AEBP2: variants seen among roughly 807,000 people sequenced by gnomAD.
The protein encoded by AEBP2 is zinc finger protein AEBP2.
In AEBP2, 10 loss-of-function variants were observed where a neutral mutation model predicts 50.8. The observed-to-expected ratio is 0.20, with a 90% CI of 0.12 to 0.33. AEBP2 has a LOEUF of 0.33. Ranked by LOEUF, AEBP2 falls within the 10% of genes least tolerant of loss-of-function variation. The pLI, the probability that AEBP2 is intolerant of heterozygous loss-of-function variation, is 1.00. For synonymous variants in AEBP2, 296 were observed against 261.3 expected, an observed-to-expected ratio of 1.13 and a Z score of -1.28; for missense variants, 570 against 688.0, an observed-to-expected ratio of 0.83 and a Z score of 1.92.
Position 19,493,998 on chromosome 12 carries a change from A to C in AEBP2, c.1174+12A>C, listed in dbSNP as rs905719886. The C allele has an allele frequency of 1.5e-5, 23 of 1,574,774 alleles. No homozygotes were observed. Among genetic ancestry groups the C allele is most frequent in the Non-Finnish European group, 1.9e-5 (22 of 1,160,790 alleles). ...ACGACGCTCATTACGTAAGTGTTAC[A>C]CTGAGAAAATCTGGTGTATTTCATG... On this transcript the variant is annotated intron_variant, in intron 4 of 7. Transcript: ENST00000266508.
rs1410172379 is a variant in AEBP2 at position 19,521,202 on chromosome 12, CTT to C, written c.*3086_*3087del. On this transcript the variant is annotated 3_prime_UTR_variant, in exon 8 of 8. Transcript: ENST00000266508. ...TTGACAAAAAGTTTGGAAACATAAA[CTT>C]AGACCACACAACTTGCATTTTAATA... 6.6e-6 allele frequency: 1 copy of C among 152,158 alleles called. No individual in the cohort carries two copies. The highest frequency in any genetic ancestry group is 2.4e-5 in the African/African-American group (1 of 41,434). 9.4% of individuals were successfully genotyped at this position (152,158 alleles called of 1,614,324 possible). A position where few individuals can be genotyped will look rare whatever the true frequency, so the allele number is the denominator to read the frequency against.
chr12:19,442,403 G>A (rs1364624476), intron 1 of AEBP2, among the ~76,000 whole-genome samples: 1 of 151,914 alleles, frequency 6.6e-6, no homozygotes, highest in Admixed American at 6.6e-5. Context: ...GCGAGACTCC[G>A]TCTCAAAAAA....
intron 1 of AEBP2, among the ~76,000 whole-genome samples, chr12:19,425,422 G>T (rs1178530368): frequency 5.3e-5 from 8 of 152,122 alleles, no homozygotes; most frequent in Admixed American, 3.9e-4. Context: ...CAGGCACGGT[G>T]GCTCATGCCT....
At chr12:19,435,132 CTTT>C (rs140447214), upstream of AEBP2, among the ~76,000 whole-genome samples, 1 of 142,932 alleles carries the variant, frequency 7.0e-6, no homozygotes. Flanking sequence ...CCTGTCAGAA[CTTT>C]TTTTTTTTTT....
chr12:19,417,192 A>G (rs2095743101), intron 1 of AEBP2, among the ~76,000 whole-genome samples: 1 of 151,902 alleles, frequency 6.6e-6, no homozygotes, highest in Non-Finnish European at 1.5e-5. Flanking sequence ...CAAGATAAAA[A>G]TGCCTCATAA....
chr12:19,420,883 C>A (rs2095745331), intron 1 of AEBP2, among the ~76,000 whole-genome samples: 1 of 152,140 alleles, frequency 6.6e-6, no homozygotes, highest in African/African-American at 2.4e-5. Context: ...CCTCCCATGT[C>A]AAGGTCCTGT....
rs932151667 is a variant in AEBP2 at position 19,502,918 on chromosome 12, G to A, written c.1299+2697G>A. Among the ~76,000 whole-genome samples, 7 of 152,176 alleles carry A rather than the reference G, an allele frequency of 4.6e-5. No homozygotes were observed. In the East Asian group the frequency reaches 1.3e-3, roughly 29 times the overall value. ...CCGCTTCAGCTTCCCAGAGTGCTGG[G>A]ATTAATAGGCGCGAGCCACCACGCT... On this transcript the variant is annotated intron_variant, in intron 5 of 7. Coordinates refer to ENST00000266508, the MANE Select transcript of AEBP2 (RefSeq NM_153207.5).
intron 3 of AEBP2, among the ~76,000 whole-genome samples, chr12:19,476,872 G>A (rs1465400841): frequency 3.3e-5 from 5 of 152,088 alleles, no homozygotes; most frequent in South Asian, 2.1e-4. Context: ...ACTTTGATGG[G>A]AATTGCGTTG....
At chr12:19,502,777 T>G in intron 5 of AEBP2, among the ~76,000 whole-genome samples, 1 of 151,964 alleles carries the variant, frequency 6.6e-6, no homozygotes, top group East Asian at 1.9e-4. Flanking sequence ...GCCTCCCAAG[T>G]AGCTGGGATT....
At chr12:19,483,588 A>G (rs1430374259) in intron 3 of AEBP2, among the ~76,000 whole-genome samples, 2 of 152,116 alleles carry the variant, frequency 1.3e-5, no homozygotes, top group South Asian at 2.1e-4. Context: ...TGGGAGCTGC[A>G]TGTTAGCCCT....
intron 4 of AEBP2, among the ~76,000 whole-genome samples, chr12:19,499,256 G>A (rs1035716263): frequency 6.6e-6 from 1 of 152,094 alleles, no homozygotes; most frequent in Non-Finnish European, 1.5e-5. Context: ...CCAAAAATTT[G>A]TTTGTAATTT....
In AEBP2 at chr12:19,521,747, T is replaced by C. The variant is rs1041820619; in HGVS notation, c.*3630T>C. On this transcript the variant is annotated 3_prime_UTR_variant, in exon 8 of 8. Transcript: ENST00000266508. ...AAATGTTTTAAATATGGTAATACTC[T>C]TAAAACGGTAGAATTTGCCACAGTT... The C allele has an allele frequency of 6.6e-6, 1 of 152,138 alleles. No homozygotes were observed. The highest frequency in any genetic ancestry group is 1.5e-5 in the Non-Finnish European group (1 of 67,984). 9.4% of individuals were successfully genotyped at this position (152,138 alleles called of 1,614,324 possible).
chr12:19,416,702 C>T (rs983636935), intron 1 of AEBP2, among the ~76,000 whole-genome samples: 11 of 150,842 alleles, frequency 7.3e-5, no homozygotes, highest in Admixed American at 6.6e-5. Context: ...CAACTCACTG[C>T]AGCCTCCGCT....
chr12:19,436,000 C>T (rs1293769473), upstream of AEBP2, among the ~76,000 whole-genome samples: 1 of 152,138 alleles, frequency 6.6e-6, no homozygotes, highest in Non-Finnish European at 1.5e-5. Context: ...ACCTACTGGG[C>T]TGCATTCCCA....
At chr12:19,495,125 G>A (rs11044616) in intron 4 of AEBP2, among the ~76,000 whole-genome samples, 3,270 of 152,106 alleles carry the variant, frequency 0.021, 41 homozygotes, top group East Asian at 0.042. Flanking sequence ...GGCTGGTCTT[G>A]AACTCCTGAC....
chr12:19,472,306 G>A (rs1948585047), intron 2 of AEBP2, among the ~76,000 whole-genome samples: 1 of 152,140 alleles, frequency 6.6e-6, no homozygotes, highest in Admixed American at 6.5e-5. Context: ...AAAGAACAGA[G>A]CCTTTCAAGA....
intron 5 of AEBP2, among the ~76,000 whole-genome samples, chr12:19,509,803 A>G (rs1176173845): frequency 2.8e-5 from 4 of 143,166 alleles, no homozygotes; most frequent in Non-Finnish European, 6.1e-5. Context: ...CGATAATATT[A>G]GTAACATGGC....
rs563784397 is a variant in AEBP2, at chr12:19,477,108, C to T, written c.987+3753C>T. ...GGGGTTAAGTTCTTTAGTTGTTTCT[C>T]AACTTCGTCATTGTTGGTGTAGAGC... On this transcript the variant is annotated intron_variant, in intron 3 of 7. Coordinates refer to ENST00000266508, the MANE Select transcript of AEBP2 (RefSeq NM_153207.5). Among the ~76,000 whole-genome samples the T allele has an allele frequency of 1.1e-4, 16 of 152,194 alleles. No individual in the cohort carries two copies. The East Asian group carries it at 1.5e-3, about 15-fold the overall frequency.
intron 1 of AEBP2, chr12:19,413,560 A>T: frequency 1.5e-6 from 1 of 668,480 alleles, no homozygotes; most frequent in African/African-American, 1.8e-5. Flanking sequence ...TATGCCTTTT[A>T]AAAAATAAAC....
Sources: gnomAD v4.1 joint callset for allele counts (sites outside exome capture counted in the v4.1 genomes callset) on GRCh38, gnomAD v4.1.1 for gene constraint, MANE v1.5 for transcripts, NCBI Gene and HGNC (gene_info 2026-07-23, HGNC 2026-07-21) for gene names.